ENTREP2: variants seen among roughly 807,000 people sequenced by gnomAD.
The protein encoded by ENTREP2 is protein ENTREP2.
chr15:29,489,874 G>C, the ENTREP2 span, among the ~76,000 whole-genome samples: 2 of 152,352 alleles, frequency 1.3e-5, no homozygotes, highest in East Asian at 3.9e-4. Context: ...CAGGTCTCGA[G>C]ATGGCTGATG....
chr15:29,508,077 A>T, the ENTREP2 span, among the ~76,000 whole-genome samples: 29 of 152,150 alleles, frequency 1.9e-4, no homozygotes, highest in African/African-American at 6.3e-4. Flanking sequence ...ATTACCACTG[A>T]CCCCACAGAA....
the ENTREP2 span, among the ~76,000 whole-genome samples, chr15:29,298,123 C>G: frequency 1.3e-5 from 2 of 151,982 alleles, no homozygotes; most frequent in Non-Finnish European, 2.9e-5. Flanking sequence ...ACTAGAAAAC[C>G]TATGTTCACA....
At chr15:29,360,779 C>A in the ENTREP2 span, among the ~76,000 whole-genome samples, 1 of 152,102 alleles carries the variant, frequency 6.6e-6, no homozygotes. Context: ...AGTGTGGGGG[C>A]AAAAAGAGTC....
chr15:29,588,852 G>T, the ENTREP2 span, among the ~76,000 whole-genome samples: 783 of 152,042 alleles, frequency 5.1e-3, 6 homozygotes, highest in African/African-American at 0.018. Flanking sequence ...AGCCTGGCAT[G>T]GTGGGACGCA....
chr15:29,315,000 C>A, the ENTREP2 span, among the ~76,000 whole-genome samples: 1 of 152,028 alleles, frequency 6.6e-6, no homozygotes, highest in Non-Finnish European at 1.5e-5. Context: ...TGCAGTGAGC[C>A]GAGATCGTGC....
the ENTREP2 span, among the ~76,000 whole-genome samples, chr15:29,343,573 G>GCC: frequency 6.6e-6 from 1 of 150,428 alleles, no homozygotes; most frequent in Non-Finnish European, 1.5e-5. Context: ...AAAACCAGGC[G>GCC]CTCTCTCTCT....
the ENTREP2 span, chr15:29,381,826 C>T: frequency 1.9e-6 from 3 of 1,551,628 alleles, no homozygotes; most frequent in East Asian, 7.3e-5. Context: ...GTCCCGACAG[C>T]AGCACCTGGA....
chr15:29,119,946 A>T, the ENTREP2 span, among the ~76,000 whole-genome samples: 1 of 152,140 alleles, frequency 6.6e-6, no homozygotes, highest in Non-Finnish European at 1.5e-5. Flanking sequence ...TCTTTAAAAA[A>T]CCTGTATTTA....
At chr15:29,635,010 A>G in the ENTREP2 span, among the ~76,000 whole-genome samples, 3 of 151,914 alleles carry the variant, frequency 2.0e-5, no homozygotes, top group Non-Finnish European at 2.9e-5. Flanking sequence ...ACACCCGGCT[A>G]TTCTTTGTAT....
the ENTREP2 span, among the ~76,000 whole-genome samples, chr15:29,237,085 G>A: frequency 6.6e-6 from 1 of 152,130 alleles, no homozygotes; most frequent in Non-Finnish European, 1.5e-5. Flanking sequence ...GAAAATCAAT[G>A]AAATCCACCA....
the ENTREP2 span, among the ~76,000 whole-genome samples, chr15:29,506,606 A>G: frequency 3.9e-5 from 6 of 152,174 alleles, no homozygotes; most frequent in Non-Finnish European, 7.3e-5. Flanking sequence ...CCAATATTCA[A>G]TGTTCTTAAA....
chr15:29,162,059 G>C, the ENTREP2 span, among the ~76,000 whole-genome samples: 1 of 152,202 alleles, frequency 6.6e-6, no homozygotes, highest in South Asian at 2.1e-4. Flanking sequence ...AGAAAAGGAA[G>C]GTCTGTTTGC....
At chr15:29,616,749 C>T in the ENTREP2 span, among the ~76,000 whole-genome samples, 2 of 152,128 alleles carry the variant, frequency 1.3e-5, no homozygotes, top group South Asian at 4.1e-4. Context: ...TCCAGAGAAA[C>T]ACACTCAATA....
At chr15:29,455,670 C>T in the ENTREP2 span, among the ~76,000 whole-genome samples, 6 of 152,152 alleles carry the variant, frequency 3.9e-5, no homozygotes, top group African/African-American at 7.2e-5. Context: ...CCCAGGCCAC[C>T]GACCAGTATC....
the ENTREP2 span, among the ~76,000 whole-genome samples, chr15:29,501,191 G>A: frequency 0.42 from 63,595 of 151,786 alleles, 13,643 homozygotes; most frequent in African/African-American, 0.5. Flanking sequence ...GGAATACTTC[G>A]TAATTCATTC....
the ENTREP2 span, among the ~76,000 whole-genome samples, chr15:29,636,918 A>C: frequency 6.6e-6 from 1 of 152,156 alleles, no homozygotes. Flanking sequence ...ATTTGTTCAC[A>C]TTTTCTATAA....
the ENTREP2 span, among the ~76,000 whole-genome samples, chr15:29,256,038 T>C: frequency 6.6e-6 from 1 of 151,524 alleles, no homozygotes; most frequent in Non-Finnish European, 1.5e-5. Flanking sequence ...TCATGTTCTT[T>C]GTAGTAACAT....
At chr15:29,408,375 C>T in the ENTREP2 span, among the ~76,000 whole-genome samples, 1 of 151,910 alleles carries the variant, frequency 6.6e-6, no homozygotes, top group African/African-American at 2.4e-5. Flanking sequence ...AGTGTGGGCT[C>T]AGGAGCTGGG....
chr15:29,209,764 G>A, the ENTREP2 span, among the ~76,000 whole-genome samples: 2 of 152,052 alleles, frequency 1.3e-5, no homozygotes, highest in African/African-American at 4.8e-5. Flanking sequence ...CTCTGCTCTC[G>A]GGGACTGAGT....
Sources: allele counts gnomAD v4.1 joint callset (sites outside exome capture counted in the v4.1 genomes callset), GRCh38; gene constraint gnomAD v4.1.1; transcripts MANE v1.5; gene names NCBI Gene and HGNC (gene_info 2026-07-23, HGNC 2026-07-21).